BCR: variants seen among roughly 807,000 people sequenced by gnomAD.
The protein encoded by BCR is breakpoint cluster region protein.
In BCR, 58 loss-of-function variants were observed where a neutral mutation model predicts 138.6. The observed-to-expected ratio is 0.42, with a 90% confidence interval of 0.34 to 0.52. The LOEUF is 0.52. Ranked by LOEUF, BCR falls within the 20% of genes least tolerant of loss-of-function variation. BCR has a pLI of 0.06. For missense variants in BCR, 1,599 were observed against 1,727.2 expected (o/e 0.93, Z 1.32); for synonymous variants, 786 against 730.1 (o/e 1.08, Z -1.23).
intron 16 of BCR, among the ~76,000 whole-genome samples, chr22:23,302,090 C>T (rs1309378225): frequency 6.6e-6 from 1 of 152,124 alleles, no homozygotes; most frequent in Non-Finnish European, 1.5e-5. Context: ...CCACCGCCAC[C>T]CCCACCCTCA....
chr22:23,197,322 A>C (rs1431559666), intron 1 of BCR, among the ~76,000 whole-genome samples: 1 of 152,148 alleles, frequency 6.6e-6, no homozygotes, highest in African/African-American at 2.4e-5. Flanking sequence ...TGATGTTTGC[A>C]TGAAGATGAC....
At chr22:23,213,900 C>G (rs546685773) in intron 1 of BCR, among the ~76,000 whole-genome samples, 2 of 151,430 alleles carry the variant, frequency 1.3e-5, no homozygotes, top group South Asian at 4.2e-4. Flanking sequence ...TTGCGAGAGG[C>G]AGAGATGCGA....
At chr22:23,229,817 T>C (rs1480624838) in intron 1 of BCR, among the ~76,000 whole-genome samples, 1 of 152,214 alleles carries the variant, frequency 6.6e-6, no homozygotes, top group Non-Finnish European at 1.5e-5. Context: ...GGGTCCACTG[T>C]TGCTGTGCTG....
chr22:23,237,015 G>C (rs1296785010), intron 1 of BCR, among the ~76,000 whole-genome samples: 2 of 152,230 alleles, frequency 1.3e-5, no homozygotes, highest in African/African-American at 2.4e-5. Context: ...GCCAGGCTCA[G>C]AACCGGCGTC....
Position 23,287,409 on chromosome 22 carries a change from G to A in BCR, c.2526+131G>A, listed in dbSNP as rs1215132973. 3 of 1,365,478 alleles carry A rather than the reference G, an allele frequency of 2.2e-6. No individual in the cohort carries two copies. In the Admixed American group the frequency reaches 8.7e-5, roughly 40 times the overall value. 84.6% of individuals were successfully genotyped at this position (1,365,478 alleles called of 1,614,324 possible). ...GGCATGTCCGGCATGGTGCATGCAAGCACGCACATTCCTTTGTCTGGGGCT... is the reference window on the plus strand; with the variant it reads ...GGCATGTCCGGCATGGTGCATGCAAACACGCACATTCCTTTGTCTGGGGCT... On this transcript the variant is annotated intron_variant, in intron 11 of 22. Coordinates refer to ENST00000305877, the MANE Select transcript of BCR (RefSeq NM_004327.4).
intron 12 of BCR, 125 bp downstream of exon 12, chr22:23,288,297 G>A (rs2073741081): frequency 3.0e-6 from 3 of 988,354 alleles, no homozygotes; most frequent in South Asian, 1.4e-5. Flanking sequence ...GTTGCATGGA[G>A]GGCTAATTTA....
intron 12 of BCR, 83 bp from the exon 13 acceptor site, chr22:23,289,434 T>G: frequency 1.7e-6 from 2 of 1,155,474 alleles, no homozygotes; most frequent in Non-Finnish European, 2.6e-6. Flanking sequence ...TTCCCCAGGG[T>G]GTGTGGTGGA....
rs528264938 is a variant in BCR, at chr22:23,316,880, A to G, written c.*1358A>G. On this transcript the variant is annotated 3_prime_UTR_variant, in exon 23 of 23. Coordinates refer to ENST00000305877, the MANE Select transcript of BCR (RefSeq NM_004327.4). The stretch of plus-strand genomic sequence containing the variant: ...GACCGCCAAGTATTTTCAAGAAATA[A>G]CCCCATGAATATTCCATCACTTTTT... 4.1e-4 allele frequency: 52 copies of G among 125,692 alleles called. 5 individuals are homozygous for G. The highest frequency in any genetic ancestry group is 1.7e-3 in the African/African-American group (37 of 21,748). 7.8% of individuals were successfully genotyped at this position (125,692 alleles called of 1,614,324 possible).
At chr22:23,291,898 G>A (rs1288166195) in intron 14 of BCR, among the ~76,000 whole-genome samples, 1 of 152,124 alleles carries the variant, frequency 6.6e-6, no homozygotes, top group African/African-American at 2.4e-5. Flanking sequence ...GGATATCCCT[G>A]CAGAAAGGGT....
chr22:23,292,894 TAAA>T (rs903004948), intron 15 of BCR, among the ~76,000 whole-genome samples: 28 of 152,236 alleles, frequency 1.8e-4, no homozygotes, highest in Admixed American at 4.6e-4. Context: ...GAAAGAGACT[TAAA>T]AAGGCTTTTT....
intron 1 of BCR, among the ~76,000 whole-genome samples, chr22:23,235,305 C>G (rs2073011057): frequency 6.9e-6 from 1 of 144,138 alleles, no homozygotes; most frequent in Non-Finnish European, 1.6e-5. Context: ...GTCTCGAACT[C>G]CTGACCTCAA....
At chr22:23,260,689 A>G (rs2073346435) in intron 2 of BCR, among the ~76,000 whole-genome samples, 1 of 152,104 alleles carries the variant, frequency 6.6e-6, no homozygotes, top group Non-Finnish European at 1.5e-5. Context: ...TCCGCACCAA[A>G]CTCTGTTTCG....
intron 1 of BCR, among the ~76,000 whole-genome samples, chr22:23,184,887 T>C (rs1043608419): frequency 2.7e-5 from 4 of 149,644 alleles, no homozygotes; most frequent in African/African-American, 9.9e-5. Flanking sequence ...CCTGCTGGTC[T>C]GAAAAGGAAC....
chr22:23,219,602 A>G (rs1315501947), intron 1 of BCR, among the ~76,000 whole-genome samples: 1 of 152,236 alleles, frequency 6.6e-6, no homozygotes, highest in Non-Finnish European at 1.5e-5. Context: ...CATCTCAGGC[A>G]GGCAGGTGTG....
intron 1 of BCR, among the ~76,000 whole-genome samples, chr22:23,202,394 G>A (rs140407198): frequency 1.4e-4 from 22 of 152,016 alleles, no homozygotes; most frequent in African/African-American, 1.9e-4. Context: ...ATTTTTAGCC[G>A]CACAGCTAAA....
chr22:23,268,327 G>A, intron 4 of BCR, 81 bp from the exon 5 acceptor site: 1 of 1,170,902 alleles, frequency 8.5e-7, no homozygotes, highest in Non-Finnish European at 1.2e-6. Flanking sequence ...TTTCTGCAGA[G>A]CTGTGCACGG....
chr22:23,314,103 G>T, intron 21 of BCR, 30 bp downstream of exon 21: 1 of 1,577,194 alleles, frequency 6.3e-7, no homozygotes. Context: ...GCAGCCCAGG[G>T]CTCCAGGTCC....
In BCR at chr22:23,294,016, A is replaced by C. The variant is rs2073818653; in HGVS notation, c.2881-1008A>C. Among the ~76,000 whole-genome samples, 4 of 152,118 alleles carry C rather than the reference A, an allele frequency of 2.6e-5. No individual in the cohort carries two copies. In the South Asian group the frequency reaches 8.3e-4, roughly 32 times the overall value. ...GAGCTCGGGGAGCAGTTTTTCCTCCAAGTCCCTCTCCCTCCTGTATCAACC... is the reference window on the plus strand; with the variant it reads ...GAGCTCGGGGAGCAGTTTTTCCTCCCAGTCCCTCTCCCTCCTGTATCAACC... On this transcript the variant is annotated intron_variant, in intron 15 of 22. Coordinates refer to ENST00000305877, the MANE Select transcript of BCR (RefSeq NM_004327.4).
In BCR at chr22:23,253,836, T is replaced by C. The variant is rs966353095; in HGVS notation, c.1317T>C (p.Ala439=). Residue 439 remains alanine (A), a synonymous_variant, in exon 2 of 23, where the codon GCT becomes GCC. Coordinates refer to ENST00000305877, the MANE Select transcript of BCR (RefSeq NM_004327.4). ...GAACACCACCTGGATACGGCTGCGCTGCAGACCGGGCAGAGGAGCAGCGCC... is the reference window on the plus strand; with the variant it reads ...GAACACCACCTGGATACGGCTGCGCCGCAGACCGGGCAGAGGAGCAGCGCC... ...SFGTPPGYGC[A]ADRAEEQRRH... 6.2e-7 allele frequency: 1 copy of C among 1,612,958 alleles called. No individual in the cohort carries two copies. The highest frequency in any genetic ancestry group is 8.5e-7 in the Non-Finnish European group (1 of 1,179,982).
Sources: allele counts gnomAD v4.1 joint callset (sites outside exome capture counted in the v4.1 genomes callset), GRCh38; gene constraint gnomAD v4.1.1; transcripts MANE v1.5; gene names NCBI Gene and HGNC (gene_info 2026-07-23, HGNC 2026-07-21).